Variants in PDE4B observed in about 807,000 individuals in gnomAD.
PDE4B encodes 3',5'-cyclic-AMP phosphodiesterase 4B.
PDE4B carries 20 observed loss-of-function variants against 82.2 expected under a neutral mutation model. The observed-to-expected ratio is 0.24, with a 90% CI of 0.17 to 0.35. The LOEUF (loss-of-function observed/expected upper bound fraction) is 0.35, where lower values mean the gene tolerates loss of function less well. Among genes scored for constraint, PDE4B ranks in the 10% least tolerant of loss-of-function variants. The probability of loss-of-function intolerance (pLI) is 1.00; values close to 1 mark genes in which losing one functional copy is unlikely to be tolerated. For synonymous variants in PDE4B, 320 were observed against 318.9 expected (o/e 1.00, Z -0.04); for missense variants, 655 against 907.2 (o/e 0.72, Z 3.57).
intron 13 of PDE4B, among the ~76,000 whole-genome samples, chr1:66,366,862 G>A (rs1475742915): frequency 6.6e-6 from 1 of 152,186 alleles, no homozygotes; most frequent in Non-Finnish European, 1.5e-5. Context: ...CTCATTGGAG[G>A]TTGTAACTAA....
chr1:66,073,414 G>A (rs1460382388), intron 3 of PDE4B, among the ~76,000 whole-genome samples: 1 of 152,080 alleles, frequency 6.6e-6, no homozygotes, highest in African/African-American at 2.4e-5. Flanking sequence ...TACCTAGACA[G>A]GAAAGTCTCA....
intron 3 of PDE4B, chr1:66,050,735 A>C (rs1224986917): frequency 1.3e-5 from 2 of 152,154 alleles, no homozygotes; most frequent in African/African-American, 4.8e-5. Flanking sequence ...CTGACTAAAA[A>C]TGATGAAAGG....
chr1:66,364,098 G>A (rs1663039883), intron 12 of PDE4B, among the ~76,000 whole-genome samples: 1 of 152,062 alleles, frequency 6.6e-6, no homozygotes, highest in South Asian at 2.1e-4. Flanking sequence ...TCAGTGTCCG[G>A]TAAATAGTAT....
At chr1:66,016,021 G>A (rs1037104613) in intron 3 of PDE4B, among the ~76,000 whole-genome samples, 6 of 152,164 alleles carry the variant, frequency 3.9e-5, no homozygotes, top group African/African-American at 1.2e-4. Context: ...AGCTCGTAGT[G>A]TGCATTTATG....
chr1:66,358,128 G>C (rs1662412305), intron 9 of PDE4B, among the ~76,000 whole-genome samples: 1 of 152,176 alleles, frequency 6.6e-6, no homozygotes. Flanking sequence ...TTTTATAGGA[G>C]AGAAAACAGG....
chr1:65,942,605 C>T (rs1413199745), intron 3 of PDE4B, among the ~76,000 whole-genome samples: 4 of 152,010 alleles, frequency 2.6e-5, no homozygotes, highest in Admixed American at 2.0e-4. Context: ...AAACTTTCTA[C>T]TGTTTTCCAC....
At chr1:65,877,858 T>C (rs1646664245) in intron 1 of PDE4B, among the ~76,000 whole-genome samples, 1 of 151,936 alleles carries the variant, frequency 6.6e-6, no homozygotes, top group African/African-American at 2.4e-5. Context: ...CCAAAAGCAA[T>C]TGCGACAAAA....
intron 3 of PDE4B, among the ~76,000 whole-genome samples, chr1:66,101,057 C>T (rs896078945): frequency 2.0e-5 from 3 of 152,122 alleles, no homozygotes. Flanking sequence ...GTTCAATTTC[C>T]ACCTATGAGT....
chr1:66,319,836 C>G (rs1382659551), intron 7 of PDE4B, among the ~76,000 whole-genome samples: 2 of 152,188 alleles, frequency 1.3e-5, no homozygotes, highest in Admixed American at 1.3e-4. Flanking sequence ...GATTTATAAG[C>G]CATTTTGTGC....
chr1:66,313,594 G>C (rs41368546), intron 7 of PDE4B, among the ~76,000 whole-genome samples: 4,235 of 152,214 alleles, frequency 0.028, 206 homozygotes, highest in African/African-American at 0.097. Flanking sequence ...CCTTACAGAT[G>C]CTGAGGAGAA....
chr1:66,207,865 TA>T (rs997405777), intron 3 of PDE4B, among the ~76,000 whole-genome samples: 1 of 152,220 alleles, frequency 6.6e-6, no homozygotes, highest in African/African-American at 2.4e-5. Context: ...ATCCTGAAAT[TA>T]AGTCTTCAGA....
chr1:66,208,648 A>G (rs1205257118), intron 3 of PDE4B, among the ~76,000 whole-genome samples: 1 of 152,358 alleles, frequency 6.6e-6, no homozygotes, highest in East Asian at 1.9e-4. Context: ...TTAATTTCCT[A>G]TAATATAATT....
chr1:65,817,912 A>G (rs555495873), intron 1 of PDE4B, among the ~76,000 whole-genome samples: 1 of 152,310 alleles, frequency 6.6e-6, no homozygotes, highest in South Asian at 2.1e-4. Flanking sequence ...ATTCTTAAAA[A>G]ATTAACACCT....
At chr1:65,976,206 G>A (rs1377815417) in intron 3 of PDE4B, among the ~76,000 whole-genome samples, 2 of 152,194 alleles carry the variant, frequency 1.3e-5, no homozygotes, top group South Asian at 2.1e-4. Context: ...TGCCCTGGAT[G>A]AGAGACATGG....
intron 3 of PDE4B, among the ~76,000 whole-genome samples, chr1:66,199,508 T>G (rs886619870): frequency 2.0e-5 from 3 of 152,214 alleles, no homozygotes; most frequent in African/African-American, 7.2e-5. Context: ...TTGTAGATTC[T>G]GGATATTAGC....
At chr1:65,973,025 A>G (rs2489914) in intron 3 of PDE4B, among the ~76,000 whole-genome samples, 151,189 of 152,268 alleles carry the variant, frequency 0.99, 75,068 homozygotes, top group Middle Eastern at 1. Flanking sequence ...AAATCTATCC[A>G]TTCTGTTTGT....
At chr1:66,205,074 A>G (rs1649438778) in intron 3 of PDE4B, among the ~76,000 whole-genome samples, 4 of 152,198 alleles carry the variant, frequency 2.6e-5, no homozygotes, top group African/African-American at 9.7e-5. Flanking sequence ...CCTAAGTTTT[A>G]GAATTTATGG....
chr1:66,055,350 T>C (rs1007816629), intron 3 of PDE4B, among the ~76,000 whole-genome samples: 5 of 152,230 alleles, frequency 3.3e-5, no homozygotes, highest in Admixed American at 1.3e-4. Context: ...GCCTCGATTA[T>C]CTTTTGGCTA....
At chr1:65,834,824 C>T (rs1430151281) in intron 1 of PDE4B, among the ~76,000 whole-genome samples, 1 of 152,110 alleles carries the variant, frequency 6.6e-6, no homozygotes, top group Non-Finnish European at 1.5e-5. Context: ...AATAGAGAAG[C>T]CAAGCCCAAC....
Sources: allele counts gnomAD v4.1 joint callset (sites outside exome capture counted in the v4.1 genomes callset), GRCh38; gene constraint gnomAD v4.1.1; transcripts MANE v1.5; gene names NCBI Gene and HGNC (gene_info 2026-07-23, HGNC 2026-07-21).